SYNE1: variants seen among roughly 807,000 people sequenced by gnomAD.
SYNE1 encodes nesprin-1.
Under a neutral mutation model 1,111.0 loss-of-function variants are expected in SYNE1, and 616 were observed. That is an observed-to-expected ratio of 0.55 (90% CI 0.52 to 0.59). The LOEUF (loss-of-function observed/expected upper bound fraction) is 0.59, where lower values mean the gene tolerates loss of function less well. Among genes scored for constraint, SYNE1 ranks in the 20% least tolerant of loss-of-function variants. The pLI, the probability that SYNE1 is intolerant of heterozygous loss-of-function variation, is 0.00. For synonymous variants in SYNE1, 3,855 were observed against 3,825.8 expected (o/e 1.01, Z -0.28); for missense variants, 10,006 against 10,417.0 (o/e 0.96, Z 1.72).
chr6:152,399,776 G>T lies in SYNE1; in HGVS notation c.7077C>A (p.Thr2359=). The change falls in exon 48 of 146, where the codon ACC becomes ACA. Residue 2359 remains threonine (T), a synonymous_variant. Coordinates refer to ENST00000367255, the MANE Select transcript of SYNE1 (RefSeq NM_182961.4). ...GGCACAAGCTATTGAGATTTTCTTG[G>T]GTAGAGCTGATGTTGCTTTGTTGAC... ...LQSQQSNISS[T]QENLNSLCRK... The T allele has an allele frequency of 6.2e-7, 1 of 1,614,014 alleles. No homozygotes were observed. The highest frequency in any genetic ancestry group is 8.5e-7 in the Non-Finnish European group (1 of 1,179,978).
At chr6:152,631,365 G>A (rs1392911492) in intron 2 of SYNE1, among the ~76,000 whole-genome samples, 4 of 152,170 alleles carry the variant, frequency 2.6e-5, no homozygotes, top group Non-Finnish European at 5.9e-5. Context: ...AACTCTACAA[G>A]GTGACATTGT....
At chr6:152,338,417 T>C (rs2096455031) in intron 75 of SYNE1, among the ~76,000 whole-genome samples, 1 of 151,356 alleles carries the variant, frequency 6.6e-6, no homozygotes, top group African/African-American at 2.4e-5. Flanking sequence ...AGCCCAGGAG[T>C]TCGAGACCAG....
intron 140 of SYNE1, among the ~76,000 whole-genome samples, chr6:152,138,443 G>A (rs750520830): frequency 4.0e-5 from 6 of 151,650 alleles, no homozygotes; most frequent in African/African-American, 1.2e-4. Context: ...CACAGGAGAC[G>A]GAGGTTACAG....
In SYNE1 at chr6:152,329,779, TC is replaced by T; in HGVS notation, c.14905del (p.Glu4969SerfsTer20). The stretch of plus-strand genomic sequence containing the variant: ...GATGTCTCCATCCAGCTCTGAGAGC[TC>T]AGCGAGGCTGTGTTCTAAATCCGCA... ...ISADLEHSLA[E>X]LSELDGDIQE... is the part of the protein sequence containing the mutation. On this transcript the variant is annotated frameshift_variant, in exon 78 of 146. Coordinates refer to ENST00000367255, the MANE Select transcript of SYNE1 (RefSeq NM_182961.4). LOFTEE classifies it high-confidence loss of function. 1.9e-6 allele frequency: 3 copies of T among 1,614,208 alleles called. No individual in the cohort carries two copies. The highest frequency in any genetic ancestry group is 2.5e-6 in the Non-Finnish European group (3 of 1,180,030).
At chr6:152,290,375 G>T (rs1010723716) in intron 95 of SYNE1, among the ~76,000 whole-genome samples, 2 of 152,156 alleles carry the variant, frequency 1.3e-5, no homozygotes, top group African/African-American at 4.8e-5. Context: ...TGGCCAACAT[G>T]GTGAAACCTC....
chr6:152,362,175 C>T lies in SYNE1; in HGVS notation c.10294G>A (p.Ala3432Thr), dbSNP rs2096943261. The T allele has an allele frequency of 8.1e-6, 13 of 1,614,120 alleles. No homozygotes were observed. Among genetic ancestry groups the T allele is most frequent in the African/African-American group, 1.3e-5 (1 of 74,938 alleles). Residue 3432 changes from alanine to threonine, a missense_variant, in exon 64 of 146, where the codon GCC becomes ACC. Ala to Thr is a moderately conservative substitution (Grantham distance 58). Transcript: ENST00000367255. ...LRDKTTMLGK[A>T]KLLNEEVLSY... Reference sequence around the variant, plus strand: ...ATCTGAAATCCAGCTCTCACCTTGGCTTTTCCGAGCATCGTTGTTTTATCC... The same window carrying T: ...ATCTGAAATCCAGCTCTCACCTTGGTTTTTCCGAGCATCGTTGTTTTATCC...
At chr6:152,355,398 T>C (rs944093447) in intron 66 of SYNE1, among the ~76,000 whole-genome samples, 1 of 152,190 alleles carries the variant, frequency 6.6e-6, no homozygotes, top group East Asian at 1.9e-4. Context: ...AAAGAAACAA[T>C]GAACCTTCTG....
chr6:152,582,019 G>A (rs1299372969), intron 3 of SYNE1, among the ~76,000 whole-genome samples: 1 of 151,862 alleles, frequency 6.6e-6, no homozygotes, highest in Non-Finnish European at 1.5e-5. Flanking sequence ...TTTCCAATCT[G>A]GCCTCAACCT....
At chr6:152,177,555 C>A (rs897208843) in intron 129 of SYNE1, among the ~76,000 whole-genome samples, 2 of 152,144 alleles carry the variant, frequency 1.3e-5, no homozygotes, top group Admixed American at 6.5e-5. Flanking sequence ...AAGTCATTTA[C>A]CTAAGCCAAA....
chr6:152,473,615 G>A (rs2154281294), intron 14 of SYNE1, among the ~76,000 whole-genome samples: 1 of 152,318 alleles, frequency 6.6e-6, no homozygotes, highest in South Asian at 2.1e-4. Flanking sequence ...AGGGTATTAT[G>A]TGAAGCCAAG....
chr6:152,532,842 G>A (rs2099211132), intron 4 of SYNE1, among the ~76,000 whole-genome samples: 1 of 152,040 alleles, frequency 6.6e-6, no homozygotes, highest in Admixed American at 6.5e-5. Flanking sequence ...CTGGAGTTTT[G>A]CATGCTCTGA....
chr6:152,200,735 C>T (rs559341164), intron 127 of SYNE1, among the ~76,000 whole-genome samples: 3 of 152,152 alleles, frequency 2.0e-5, no homozygotes, highest in Non-Finnish European at 4.4e-5. Flanking sequence ...GTTCAAAATG[C>T]GCTTTTTAAT....
chr6:152,356,546 T>G (rs1338118247), intron 66 of SYNE1, among the ~76,000 whole-genome samples: 1 of 148,356 alleles, frequency 6.7e-6, no homozygotes, highest in Non-Finnish European at 1.5e-5. Context: ...GATATTATAT[T>G]AAAAATATAT....
intron 2 of SYNE1, among the ~76,000 whole-genome samples, chr6:152,633,516 A>G (rs1343916077): frequency 2.0e-5 from 3 of 152,248 alleles, no homozygotes; most frequent in Non-Finnish European, 4.4e-5. Context: ...AGTCCAGGCT[A>G]CTATGGAAGC....
At chr6:152,340,248 A>C (rs1455598339) in intron 74 of SYNE1, among the ~76,000 whole-genome samples, 1 of 152,178 alleles carries the variant, frequency 6.6e-6, no homozygotes, top group South Asian at 2.1e-4. Context: ...AGAGACAGCA[A>C]ATGCAAAGCC....
chr6:152,367,445 A>G (rs944027319), intron 61 of SYNE1, 63 bp from the exon 62 acceptor site: 18 of 1,598,980 alleles, frequency 1.1e-5, no homozygotes, highest in South Asian at 2.2e-5. Context: ...CAAAGCTAAC[A>G]GTTTGTTTGA....
At position 152,510,226 on chromosome 6, in the gene SYNE1, G is replaced by A. The variant is rs892301035; in HGVS notation, c.548C>T (p.Ala183Val). ...TTKIQGNAKK[A>V]LLKWVQYTAG... Reference sequence around the variant, plus strand: ...TGTGTACTGAACCCACTTTAATAAAGCCTTCTTAGCATTTCCTTGGATCTT... The same window carrying A: ...TGTGTACTGAACCCACTTTAATAAAACCTTCTTAGCATTTCCTTGGATCTT... The change falls in exon 8 of 146, where the codon GCT becomes GTT. Residue 183 changes from alanine (A) to valine (V), a missense_variant. Ala to Val is a moderately conservative substitution (Grantham distance 64). This residue lies in a region of SYNE1 where 1,971 missense variants were observed against 2,084.1 expected (regional missense o/e 0.95). Coordinates refer to ENST00000367255, the MANE Select transcript of SYNE1 (RefSeq NM_182961.4). The A allele has an allele frequency of 5.0e-6, 8 of 1,613,760 alleles. No homozygotes were observed. The highest frequency in any genetic ancestry group is 1.3e-5 in the African/African-American group (1 of 74,824).
intron 3 of SYNE1, among the ~76,000 whole-genome samples, chr6:152,617,000 C>A (rs539933151): frequency 6.6e-6 from 1 of 152,320 alleles, no homozygotes; most frequent in Non-Finnish European, 1.5e-5. Flanking sequence ...TCATTAACAG[C>A]TATGCAAAAG....
At chr6:152,489,501 C>T (rs1210760405) in intron 11 of SYNE1, among the ~76,000 whole-genome samples, 2 of 137,762 alleles carry the variant, frequency 1.5e-5, no homozygotes, top group African/African-American at 5.6e-5. Context: ...TGTCATACTA[C>T]AGGATGTACT....
Sources: gnomAD v4.1 joint callset for allele counts (sites outside exome capture counted in the v4.1 genomes callset) on GRCh38, gnomAD v4.1.1 for gene constraint, gnomAD v4.1.1 regional missense constraint, MANE v1.5 for transcripts, NCBI Gene and HGNC (gene_info 2026-07-23, HGNC 2026-07-21) for gene names.